Variants in NPM1 observed in about 807,000 individuals in gnomAD.
The protein encoded by NPM1 is nucleophosmin 1, also known as nucleophosmin.
In NPM1, 1 loss-of-function variant was observed where a neutral mutation model predicts 44.1. That is an observed-to-expected ratio of 0.02 (90% CI 0.01 to 0.11). NPM1 has a LOEUF of 0.11. Ranked by LOEUF, NPM1 falls within the 10% of genes least tolerant of loss-of-function variation. The pLI, the probability that NPM1 is intolerant of heterozygous loss-of-function variation, is 1.00. For missense variants in NPM1, 197 were observed against 347.8 expected (o/e 0.57, Z 3.45); for synonymous variants, 126 against 111.8 (o/e 1.13, Z -0.80).
intron 9 of NPM1, chr5:171,406,830 C>G: frequency 2.2e-6 from 1 of 464,418 alleles, no homozygotes; most frequent in Non-Finnish European, 2.9e-6. Context: ...CTGATTCTGC[C>G]AAAGTCCCTT....
At chr5:171,392,886 C>T (rs1255265959) in intron 5 of NPM1, 28 bp from the exon 6 acceptor site, 1 of 1,612,134 alleles carries the variant, frequency 6.2e-7, no homozygotes, top group Non-Finnish European at 8.5e-7. Flanking sequence ...AGCTCTTGTT[C>T]ATGAGTACGT....
In NPM1 at chr5:171,405,288, C is replaced by G. The variant is rs73803327; in HGVS notation, c.670-14C>G. ...TTATTCTTATGACCTTTTGGAAATT[C>G]ATTTCTTTTTCAGGGACAAGAATCC... On this transcript the variant is annotated splice_polypyrimidine_tract_variant and intron_variant, in intron 8 of 10. Transcript: ENST00000296930. 9 of 1,323,138 alleles carry G rather than the reference C, an allele frequency of 6.8e-6. No individual in the cohort carries two copies. Among genetic ancestry groups the G allele is most frequent in the Non-Finnish European group, 9.6e-6 (9 of 936,344 alleles). 82.0% of individuals were successfully genotyped at this position (1,323,138 alleles called of 1,614,324 possible). A position where few individuals can be genotyped will look rare whatever the true frequency, so the allele number is the denominator to read the frequency against.
chr5:171,408,948 T>TGTA (rs1355840515), intron 10 of NPM1, among the ~76,000 whole-genome samples: 5 of 152,076 alleles, frequency 3.3e-5, no homozygotes, highest in Admixed American at 3.3e-4. Context: ...TACAAAGTCT[T>TGTA]GTAGCTATTA....
At chr5:171,402,208 CAG>C (rs1433619065) in intron 8 of NPM1, among the ~76,000 whole-genome samples, 2 of 150,366 alleles carry the variant, frequency 1.3e-5, no homozygotes, top group African/African-American at 4.9e-5. Flanking sequence ...AGGACATAAA[CAG>C]ACACTTTTCA....
intron 6 of NPM1, among the ~76,000 whole-genome samples, chr5:171,399,152 C>G (rs1337070931): frequency 6.6e-6 from 1 of 152,170 alleles, no homozygotes; most frequent in African/African-American, 2.4e-5. Flanking sequence ...TGCCTTGGCC[C>G]CTTTGTAGGT....
At chr5:171,403,915 A>G (rs1322901537) in intron 8 of NPM1, among the ~76,000 whole-genome samples, 11 of 33,470 alleles carry the variant, frequency 3.3e-4, no homozygotes, top group South Asian at 4.1e-3. Flanking sequence ...CGGGGGGCTT[A>G]CCCCCCCACC....
At chr5:171,405,428 C>T (rs1561875422) in intron 9 of NPM1, 25 bp downstream of exon 9, 1 of 1,038,222 alleles carries the variant, frequency 9.6e-7, no homozygotes, top group Non-Finnish European at 1.5e-6. Flanking sequence ...CTTAAAAAAA[C>T]TTTGTCTCCC....
Position 171,403,489 on chromosome 5 carries a change from G to A in NPM1, c.670-1813G>A, listed in dbSNP as rs554534207. Reference sequence around the variant, plus strand: ...CTTTCTATTCCACAAAGCTGCCATCGTCATCCTGGCCCGTTCTCAATGAGC... The same window carrying A: ...CTTTCTATTCCACAAAGCTGCCATCATCATCCTGGCCCGTTCTCAATGAGC... On this transcript the variant is annotated intron_variant, in intron 8 of 10. Transcript: ENST00000296930. Among the ~76,000 whole-genome samples, 115 of 121,302 alleles carry A rather than the reference G, an allele frequency of 9.5e-4. 15 individuals carry two copies. Among genetic ancestry groups the A allele is most frequent in the Admixed American group, 2.7e-3 (33 of 12,222 alleles). 79.6% of individuals were successfully genotyped at this position (121,302 alleles called of 152,430 possible). A position where few individuals can be genotyped will look rare whatever the true frequency, so the allele number is the denominator to read the frequency against.
rs1405489075 is a variant in NPM1, at chr5:171,398,160, C to T, written c.525-1993C>T. 2.6e-5 allele frequency among the ~76,000 whole-genome samples: 4 copies of T among 152,286 alleles called. No individual in the cohort carries two copies. The South Asian group carries it at 6.2e-4, about 24-fold the overall frequency. On this transcript the variant is annotated intron_variant, in intron 6 of 10. Transcript: ENST00000296930. ...ATTTACAGATTATCTTCCACCATTC[C>T]GTGAATTGTTACTTAACTTTCATGA...
chr5:171,397,956 T>C (rs956045397), intron 6 of NPM1, among the ~76,000 whole-genome samples: 3 of 150,314 alleles, frequency 2.0e-5, no homozygotes, highest in Non-Finnish European at 3.0e-5. Context: ...CACGCCCGGC[T>C]AATTTTCTGT....
At chr5:171,399,186 A>G (rs1299873007) in intron 6 of NPM1, among the ~76,000 whole-genome samples, 1 of 152,166 alleles carries the variant, frequency 6.6e-6, no homozygotes, top group African/African-American at 2.4e-5. Context: ...TTTTGAAATC[A>G]AGTGTGAGTT....
intron 9 of NPM1, 196 bp from the exon 10 acceptor site, chr5:171,407,500 CTGTT>C (rs1771633159): frequency 3.6e-6 from 2 of 557,648 alleles, no homozygotes; most frequent in South Asian, 4.9e-5. Context: ...TTTGGCAAAT[CTGTT>C]TGAATAGAGA....
chr5:171,390,318 G>C (rs1397632337), intron 2 of NPM1, among the ~76,000 whole-genome samples, 188 bp downstream of exon 2: 1 of 151,956 alleles, frequency 6.6e-6, no homozygotes, highest in Non-Finnish European at 1.5e-5. Context: ...CCACTCATTT[G>C]GTAACCATGT....
intron 9 of NPM1, 166 bp from the exon 10 acceptor site, chr5:171,407,534 T>A: frequency 1.6e-6 from 1 of 629,812 alleles, no homozygotes; most frequent in East Asian, 2.8e-5. Context: ...TGCTGCCCAA[T>A]AGGGCTTTCT....
At chr5:171,407,881 C>G (rs937125533) in intron 10 of NPM1, 107 bp downstream of exon 10, 5 of 671,804 alleles carry the variant, frequency 7.4e-6, no homozygotes, top group African/African-American at 5.5e-5. Flanking sequence ...AAGTTCCTAA[C>G]CACAGATAAT....
At chr5:171,406,114 TGA>T (rs1206428154) in intron 9 of NPM1, among the ~76,000 whole-genome samples, 2 of 152,170 alleles carry the variant, frequency 1.3e-5, no homozygotes, top group Non-Finnish European at 1.5e-5. Context: ...CTCCAACTAT[TGA>T]GAGCAAATGT....
intron 6 of NPM1, among the ~76,000 whole-genome samples, 193 bp from the exon 7 acceptor site, chr5:171,399,960 G>A (rs1431450335): frequency 1.3e-5 from 2 of 152,124 alleles, no homozygotes; most frequent in East Asian, 1.9e-4. Flanking sequence ...GCATGCAAGA[G>A]GATTTTCATT....
intron 7 of NPM1, 22 bp downstream of exon 7, chr5:171,400,232 AG>A (rs1561871000): frequency 6.2e-7 from 1 of 1,613,140 alleles, no homozygotes; most frequent in African/African-American, 1.3e-5. Context: ...CAATGCTACA[AG>A]GTTGTTAAAC....
At chr5:171,401,961 T>TA (rs1450728830) in intron 8 of NPM1, among the ~76,000 whole-genome samples, 1 of 151,848 alleles carries the variant, frequency 6.6e-6, no homozygotes, top group Non-Finnish European at 1.5e-5. Context: ...GTGCTCTACT[T>TA]ATGGAGATTG....
Sources: allele counts gnomAD v4.1 joint callset (sites outside exome capture counted in the v4.1 genomes callset), GRCh38; gene constraint gnomAD v4.1.1; transcripts MANE v1.5; gene names NCBI Gene and HGNC (gene_info 2026-07-23, HGNC 2026-07-21).